Variants in RNF40 observed in about 807,000 individuals in gnomAD.
RNF40 encodes the protein E3 ubiquitin-protein ligase BRE1B.
In RNF40, 39 loss-of-function variants were observed where a neutral mutation model predicts 123.3. That is an observed-to-expected ratio of 0.32 (90% confidence interval 0.24 to 0.41). RNF40 has a LOEUF of 0.41. RNF40 is among the 10% of genes least tolerant of loss of function. RNF40 has a pLI of 1.00. For synonymous variants in RNF40, 538 were observed against 526.0 expected, an observed-to-expected ratio of 1.02 and a Z score of -0.31; for missense variants, 1,003 against 1,319.9, an observed-to-expected ratio of 0.76 and a Z score of 3.72.
rs777375210 is a variant in RNF40 at position 30,768,509 on chromosome 16, A to G, written c.1958A>G (p.Lys653Arg). 24 of 1,610,334 alleles carry G rather than the reference A, an allele frequency of 1.5e-5. No homozygotes were observed. The highest frequency in any genetic ancestry group is 1.6e-4 in the Middle Eastern group (1 of 6,072). Residue 653 changes from lysine to arginine, a missense_variant, in exon 13 of 20, where the codon AAG (lysine) becomes AGG (arginine). Lys to Arg is a conservative substitution (Grantham distance 26). Around this residue, in one of 11 missense-constraint regions of RNF40, gnomAD observed 295 missense variants for 331.7 expected, o/e 0.89. Coordinates refer to ENST00000324685, the MANE Select transcript of RNF40 (RefSeq NM_014771.4). This position sits in a 1 kb window ranked among gnomAD's most constrained non-coding sequence, Gnocchi z 4.1. ...AAGCGGAAGGAATCAGAACTCCTCA[A>G]GGGTCTCCGAGCAGAGCTCAAGTGA... ...ETKRKESELLKGLRAELKKAQ... is the reference protein window; with the variant it reads ...ETKRKESELLRGLRAELKKAQ...
chr16:30,769,967 T>C (rs2054117867), intron 17 of RNF40, among the ~76,000 whole-genome samples: 1 of 151,974 alleles, frequency 6.6e-6, no homozygotes, highest in South Asian at 2.1e-4. Context: ...GGTGTGCTGG[T>C]GCACGCCTGT....
At chr16:30,773,784 T>G in intron 19 of RNF40, 154 bp from the exon 20 acceptor site, 2 of 684,912 alleles carry the variant, frequency 2.9e-6, no homozygotes. Flanking sequence ...CTCAGTTTGC[T>G]CATTCATAGA....
Position 30,766,072 on chromosome 16 carries a change from G to C in RNF40, c.994-91G>C, listed in dbSNP as rs1420516344. ...AGAATCGATCATTGCCCTGCACGGG[G>C]TGCTTGGGGTGGAGTGTATGCTGGG... On this transcript the variant is annotated intron_variant, in intron 8 of 19. Coordinates refer to ENST00000324685, the MANE Select transcript of RNF40 (RefSeq NM_014771.4). The surrounding 1 kb of genome is among the most constrained non-coding windows in gnomAD (Gnocchi z 5.4). 6.4e-7 allele frequency: 1 copy of C among 1,572,636 alleles called. No individual in the cohort carries two copies. The highest frequency in any genetic ancestry group is 1.3e-5 in the African/African-American group (1 of 74,256).
rs377035892 is a variant in RNF40, at chr16:30,769,317, G to T, written c.2379G>T (p.Arg793=). 2 of 1,614,120 alleles carry T rather than the reference G, an allele frequency of 1.2e-6. No individual in the cohort carries two copies. The highest frequency in any genetic ancestry group is 2.7e-5 in the African/African-American group (2 of 74,948). Residue 793 remains arginine (R), a synonymous_variant, in exon 16 of 20, where the codon CGG becomes CGT. Transcript: ENST00000324685. ...CCAACTTTAAGCTAATGTCAGAGCGGATCAAGGCCAACCAGATTCACAAGC... is the reference window on the plus strand; with the variant it reads ...CCAACTTTAAGCTAATGTCAGAGCGTATCAAGGCCAACCAGATTCACAAGC... ...DDANFKLMSE[R]IKANQIHKLL... is the part of the protein sequence containing the mutation.
chr16:30,763,324 A>T, intron 3 of RNF40, 39 bp downstream of exon 3: 2 of 1,610,744 alleles, frequency 1.2e-6, no homozygotes, highest in Non-Finnish European at 1.7e-6. Context: ...GCCTTGATTC[A>T]GCTGCCAATC....
intron 2 of RNF40, 138 bp from the exon 3 acceptor site, chr16:30,762,980 T>G: frequency 1.0e-6 from 1 of 996,024 alleles, no homozygotes; most frequent in Non-Finnish European, 1.5e-6. Context: ...CTGAGCCTCC[T>G]TAGATTCTGT....
upstream of RNF40, chr16:30,761,872 CG>C (rs1308357121): frequency 3.2e-6 from 3 of 939,712 alleles, no homozygotes; most frequent in Non-Finnish European, 4.5e-6. Context: ...AATCTACGCG[CG>C]GAGAGGCGCG....
chr16:30,766,168 G>A lies in RNF40; in HGVS notation c.999G>A (p.Glu333=), dbSNP rs1164828084. The part of the protein sequence containing the change: ...GQITLSMQKF[E]MLNAELEENQ... Reference sequence around the variant, plus strand: ...CCCTGCCTCCCACTCCTTAGTTTGAGATGCTGAATGCAGAGTTAGAGGAAA... The same window carrying A: ...CCCTGCCTCCCACTCCTTAGTTTGAAATGCTGAATGCAGAGTTAGAGGAAA... The change falls in exon 9 of 20, where the codon GAG becomes GAA. Residue 333 remains glutamate (E), a synonymous_variant. Transcript: ENST00000324685. The surrounding 1 kb of genome is among the most constrained non-coding windows in gnomAD (Gnocchi z 5.4). 4 of 1,614,094 alleles carry A rather than the reference G, an allele frequency of 2.5e-6. No homozygotes were observed. Among genetic ancestry groups the A allele is most frequent in the Non-Finnish European group, 3.4e-6 (4 of 1,180,028 alleles).
At position 30,768,359 on chromosome 16, in the gene RNF40, G is replaced by T; in HGVS notation, c.1808G>T (p.Gly603Val). 1 of 1,613,242 alleles carries T rather than the reference G, an allele frequency of 6.2e-7. No individual in the cohort carries two copies. Among genetic ancestry groups the T allele is most frequent in the Non-Finnish European group, 8.5e-7 (1 of 1,179,708 alleles). The change falls in exon 13 of 20, where the codon GGC becomes GTC. Residue 603 changes from glycine (G) to valine (V), a missense_variant. Gly to Val is a moderately radical substitution (Grantham distance 109). Transcript: ENST00000324685. The surrounding 1 kb of genome is among the most constrained non-coding windows in gnomAD (Gnocchi z 4.1). ...GGGGCCCAGGGCCCTTCCTCCCGGG[G>T]CCGAGAACCTGAGGCCAGGCCCAAG... ...TPGAQGPSSR[G>V]REPEARPKRE...
chr16:30,761,881 G>T, upstream of RNF40: 1 of 899,286 alleles, frequency 1.1e-6, no homozygotes, highest in Non-Finnish European at 1.6e-6. Flanking sequence ...GCGGAGAGGC[G>T]CGGCGGGGCG....
At chr16:30,767,743 T>C (rs1299889192) in intron 11 of RNF40, 151 bp from the exon 12 acceptor site, 26 of 949,522 alleles carry the variant, frequency 2.7e-5, no homozygotes, top group Non-Finnish European at 4.1e-5. Flanking sequence ...AAGTCAGCAT[T>C]ATTTACTTTG....
intron 4 of RNF40, 150 bp from the exon 5 acceptor site, chr16:30,764,029 T>C (rs2053973169): frequency 1.5e-6 from 1 of 652,340 alleles, no homozygotes; most frequent in Non-Finnish European, 2.6e-6. Context: ...TGAATTTCAT[T>C]TGTCTCACTT....
At chr16:30,761,695 A>G (rs1232244329), upstream of RNF40, 43 of 1,534,956 alleles carry the variant, frequency 2.8e-5, no homozygotes, top group East Asian at 8.6e-4. Context: ...AGAGATGTTC[A>G]AGCTCCGACT....
At chr16:30,765,883 G>A (rs1481118562) in intron 8 of RNF40, among the ~76,000 whole-genome samples, 1 of 152,188 alleles carries the variant, frequency 6.6e-6, no homozygotes. Context: ...GCATCTGGTG[G>A]TCACTGTGCC....
upstream of RNF40, chr16:30,762,076 G>T: frequency 2.4e-6 from 1 of 418,202 alleles, no homozygotes; most frequent in Non-Finnish European, 4.3e-6. Context: ...GGCCGGTGCT[G>T]TCCTCCAGGC....
Position 30,768,547 on chromosome 16 carries a change from G to C in RNF40, c.1979+17G>C. 3 of 1,613,370 alleles carry C rather than the reference G, an allele frequency of 1.9e-6. No individual in the cohort carries two copies. The highest frequency in any genetic ancestry group is 2.5e-6 in the Non-Finnish European group (3 of 1,179,444). On this transcript the variant is annotated intron_variant, in intron 13 of 19. Coordinates refer to ENST00000324685, the MANE Select transcript of RNF40 (RefSeq NM_014771.4). This position sits in a 1 kb window ranked among gnomAD's most constrained non-coding sequence, Gnocchi z 4.1. ...AGAGCTCAAGTGAGGCTCTGTTCCTGTCTCCTTCCTGACCCTGCCAGGTGG... is the reference window on the plus strand; with the variant it reads ...AGAGCTCAAGTGAGGCTCTGTTCCTCTCTCCTTCCTGACCCTGCCAGGTGG...
intron 4 of RNF40, 23 bp from the exon 5 acceptor site, chr16:30,764,156 G>A: frequency 6.3e-7 from 1 of 1,586,636 alleles, no homozygotes; most frequent in Middle Eastern, 1.7e-4. Context: ...TTATCCTCAT[G>A]AGGGTCTGTC....
chr16:30,770,562 G>A (rs979253340), intron 17 of RNF40, among the ~76,000 whole-genome samples: 2 of 152,214 alleles, frequency 1.3e-5, no homozygotes, highest in Non-Finnish European at 2.9e-5. Flanking sequence ...ACTGTAAAGT[G>A]GGGATGATGT....
In RNF40 at chr16:30,766,501, T is replaced by A; in HGVS notation, c.1236T>A (p.Ala412=). The change falls in exon 10 of 20, where the codon GCT becomes GCA. Residue 412 remains alanine (A), a synonymous_variant. Coordinates refer to ENST00000324685, the MANE Select transcript of RNF40 (RefSeq NM_014771.4). This position sits in a 1 kb window ranked among gnomAD's most constrained non-coding sequence, Gnocchi z 5.4. The part of the protein sequence containing the change: ...SLQVKTQLDE[A]RGLLLATKNS... ...AAGTGAAGACCCAGCTAGACGAGGC[T>A]CGGGGCCTGCTGCTGGCCACAAAGA... 1 of 1,613,332 alleles carries A rather than the reference T, an allele frequency of 6.2e-7. No homozygotes were observed. Among genetic ancestry groups the A allele is most frequent in the South Asian group, 1.1e-5 (1 of 91,044 alleles).
Sources: gnomAD v4.1 joint callset for allele counts (sites outside exome capture counted in the v4.1 genomes callset) on GRCh38, gnomAD v4.1.1 for gene constraint, gnomAD v4.1.1 regional missense constraint, Gnocchi (gnomAD v3.1) non-coding constraint, MANE v1.5 for transcripts, NCBI Gene and HGNC (gene_info 2026-07-23, HGNC 2026-07-21) for gene names.